Variants in EFCAB6 observed in about 807,000 individuals in gnomAD.
EFCAB6 encodes the protein EF-hand calcium binding domain 6.
EFCAB6 carries 156 observed loss-of-function variants against 169.8 expected under a neutral mutation model. The ratio of observed to expected loss-of-function variants is 0.92; its 90% CI spans 0.81 to 1.05. The LOEUF (loss-of-function observed/expected upper bound fraction) is 1.05, where lower values mean the gene tolerates loss of function less well. EFCAB6 is among the 50% of genes least tolerant of loss of function. EFCAB6 has a pLI of 0.00. For missense variants in EFCAB6, 1,800 were observed against 1,829.1 expected, an observed-to-expected ratio of 0.98 and a Z score of 0.29; for synonymous variants, 698 against 676.4, an observed-to-expected ratio of 1.03 and a Z score of -0.50.
chr22:43,594,267 C>A (rs2051807129), intron 23 of EFCAB6, among the ~76,000 whole-genome samples: 1 of 107,376 alleles, frequency 9.3e-6, no homozygotes. Flanking sequence ...AAGAGTGAAA[C>A]TCTGTTTCAA....
At chr22:43,575,233 C>T (rs1055610406) in intron 26 of EFCAB6, among the ~76,000 whole-genome samples, 3 of 152,114 alleles carry the variant, frequency 2.0e-5, no homozygotes, top group African/African-American at 7.2e-5. Flanking sequence ...CTCTGTCACC[C>T]AGGCTGGAGT....
At chr22:43,788,997 C>T (rs937332302) in intron 2 of EFCAB6, among the ~76,000 whole-genome samples, 1 of 152,064 alleles carries the variant, frequency 6.6e-6, no homozygotes, top group African/African-American at 2.4e-5. Context: ...TGTATCATTC[C>T]ATTTATATAA....
At chr22:43,578,284 T>G in intron 25 of EFCAB6, among the ~76,000 whole-genome samples, 1 of 152,110 alleles carries the variant, frequency 6.6e-6, no homozygotes, top group Admixed American at 6.5e-5. Flanking sequence ...TGAACTCTCA[T>G]TAGGGCTTGT....
chr22:43,530,792 A>G (rs2146965054), intron 31 of EFCAB6, 23 bp downstream of exon 31: 1 of 1,612,200 alleles, frequency 6.2e-7, no homozygotes, highest in Non-Finnish European at 8.5e-7. Flanking sequence ...CTGCAGAGGC[A>G]CTGGGCGCAG....
At chr22:43,539,696 C>A (rs1206200775) in intron 28 of EFCAB6, among the ~76,000 whole-genome samples, 1 of 152,204 alleles carries the variant, frequency 6.6e-6, no homozygotes, top group Admixed American at 6.5e-5. Flanking sequence ...TCTGAGGGAC[C>A]AAGATCACAT....
chr22:43,700,352 G>A (rs941071801), intron 10 of EFCAB6, among the ~76,000 whole-genome samples: 1 of 152,142 alleles, frequency 6.6e-6, no homozygotes, highest in Non-Finnish European at 1.5e-5. Context: ...TGGATGGTAA[G>A]AATAGGCACT....
chr22:43,644,531 G>A (rs1188688038), intron 17 of EFCAB6, among the ~76,000 whole-genome samples: 1 of 152,176 alleles, frequency 6.6e-6, no homozygotes, highest in Non-Finnish European at 1.5e-5. Flanking sequence ...TTGATCCATA[G>A]CGGATGGGAC....
intron 20 of EFCAB6, among the ~76,000 whole-genome samples, chr22:43,619,954 G>A (rs920357776): frequency 1.1e-4 from 16 of 152,094 alleles, no homozygotes; most frequent in Non-Finnish European, 2.2e-4. Flanking sequence ...AAAACCCATG[G>A]TCAAACAAAT....
intron 4 of EFCAB6, among the ~76,000 whole-genome samples, chr22:43,766,561 C>T (rs2061332322): frequency 6.6e-6 from 1 of 152,144 alleles, no homozygotes; most frequent in African/African-American, 2.4e-5. Context: ...GTCACCCAGG[C>T]TGGAGTAAAG....
intron 5 of EFCAB6, among the ~76,000 whole-genome samples, chr22:43,758,978 T>G (rs767502017): frequency 1.1e-4 from 16 of 152,234 alleles, no homozygotes; most frequent in Non-Finnish European, 2.1e-4. Context: ...ATCCCAGCAC[T>G]TTAGGAGGCC....
In EFCAB6 at chr22:43,744,016, T is replaced by C. The variant is rs1366434312; in HGVS notation, c.508-8023A>G. On this transcript the variant is annotated intron_variant, in intron 6 of 31. Coordinates refer to ENST00000262726, the MANE Select transcript of EFCAB6 (RefSeq NM_022785.4). The surrounding 1 kb of genome is among the most constrained non-coding windows in gnomAD (Gnocchi z 4.3). ...ATGGATGAATGAATGGATGAAGGGA[T>C]GAATGATGAATGAATGAATGAATGA... is the stretch of plus-strand genomic sequence containing the variant. Among the ~76,000 whole-genome samples, 2 of 149,476 alleles carry C rather than the reference T, an allele frequency of 1.3e-5. No individual in the cohort carries two copies. The highest frequency in any genetic ancestry group is 4.2e-4 in the South Asian group (2 of 4,712).
At chr22:43,681,946 A>G (rs1569376316) in intron 12 of EFCAB6, among the ~76,000 whole-genome samples, 1 of 152,224 alleles carries the variant, frequency 6.6e-6, no homozygotes, top group Non-Finnish European at 1.5e-5. Flanking sequence ...TGGAGGCAGC[A>G]CATATAGCAA....
chr22:43,678,319 A>G (rs2057860019), intron 12 of EFCAB6, among the ~76,000 whole-genome samples, 156 bp from the exon 13 acceptor site: 1 of 131,364 alleles, frequency 7.6e-6, no homozygotes. Context: ...ATCCTTACAT[A>G]ACATGAGCAC....
At chr22:43,609,092 T>C (rs1196208536) in intron 21 of EFCAB6, among the ~76,000 whole-genome samples, 12 of 152,250 alleles carry the variant, frequency 7.9e-5, no homozygotes, top group Admixed American at 7.8e-4. Context: ...CAGACTTGAA[T>C]AAGCTAACAC....
At chr22:43,567,851 G>C (rs989345831) in intron 26 of EFCAB6, among the ~76,000 whole-genome samples, 3 of 152,104 alleles carry the variant, frequency 2.0e-5, no homozygotes, top group African/African-American at 7.3e-5. Context: ...AAGTAAGTAG[G>C]GCTCAGTTCC....
intron 10 of EFCAB6, among the ~76,000 whole-genome samples, chr22:43,700,812 T>C (rs2058740877): frequency 3.3e-5 from 5 of 152,202 alleles, no homozygotes; most frequent in Admixed American, 2.6e-4. Flanking sequence ...TTCCTTTTTA[T>C]TGATGAGAAA....
intron 20 of EFCAB6, among the ~76,000 whole-genome samples, chr22:43,617,013 C>T (rs1309836657): frequency 6.6e-6 from 1 of 152,142 alleles, no homozygotes; most frequent in African/African-American, 2.4e-5. Context: ...AGCCTTGATG[C>T]TGCTTGCCCA....
intron 2 of EFCAB6, among the ~76,000 whole-genome samples, chr22:43,807,381 A>C (rs574619186): frequency 6.6e-6 from 1 of 152,356 alleles, no homozygotes; most frequent in South Asian, 2.1e-4. Context: ...GAAATTGGCA[A>C]GGATCATAAA....
intron 1 of EFCAB6, among the ~76,000 whole-genome samples, chr22:43,809,808 G>A (rs1349642848): frequency 3.3e-5 from 5 of 152,124 alleles, no homozygotes; most frequent in African/African-American, 9.7e-5. Flanking sequence ...GTCTCACCAC[G>A]TTGGCCAGAC....
Sources: gnomAD v4.1 joint callset for allele counts (sites outside exome capture counted in the v4.1 genomes callset) on GRCh38, gnomAD v4.1.1 for gene constraint, Gnocchi (gnomAD v3.1) non-coding constraint, MANE v1.5 for transcripts, NCBI Gene and HGNC (gene_info 2026-07-23, HGNC 2026-07-21) for gene names.